NR3C1: variants seen among roughly 807,000 people sequenced by gnomAD.
The protein encoded by NR3C1 is glucocorticoid receptor.
In NR3C1, 14 loss-of-function variants were observed where a neutral mutation model predicts 74.0. That is an observed-to-expected ratio of 0.19 (90% CI 0.12 to 0.30). The LOEUF (loss-of-function observed/expected upper bound fraction) is 0.30. NR3C1 is among the 10% of genes least tolerant of loss of function. The pLI is 1.00. For synonymous variants in NR3C1, 308 were observed against 332.5 expected, an observed-to-expected ratio of 0.93 and a Z score of 0.80; for missense variants, 695 against 909.8, an observed-to-expected ratio of 0.76 and a Z score of 3.04.
chr5:143,344,929 C>T (rs1490958036), intron 2 of NR3C1, among the ~76,000 whole-genome samples: 1 of 152,160 alleles, frequency 6.6e-6, no homozygotes, highest in African/African-American at 2.4e-5. Context: ...CTGCCCAGCT[C>T]TGTCCAGGGC....
intron 2 of NR3C1, among the ~76,000 whole-genome samples, chr5:143,342,788 T>C (rs2918419): frequency 0.15 from 22,612 of 152,006 alleles, 1,860 homozygotes; most frequent in African/African-American, 0.18. Flanking sequence ...GTAGGAGACA[T>C]ACAAGGAAAA....
intron 2 of NR3C1, among the ~76,000 whole-genome samples, chr5:143,381,684 G>A (rs1273767266): frequency 6.6e-6 from 1 of 152,110 alleles, no homozygotes; most frequent in Non-Finnish European, 1.5e-5. Flanking sequence ...ACTAGGGAAA[G>A]GACAGTCTCT....
At chr5:143,291,024 T>C (rs1815804136) in intron 7 of NR3C1, among the ~76,000 whole-genome samples, 1 of 152,186 alleles carries the variant, frequency 6.6e-6, no homozygotes, top group Non-Finnish European at 1.5e-5. Flanking sequence ...AGGTATTCTC[T>C]TCCCCCAATG....
intron 2 of NR3C1, among the ~76,000 whole-genome samples, chr5:143,315,706 C>A (rs1821933573): frequency 6.6e-6 from 1 of 152,030 alleles, no homozygotes; most frequent in Non-Finnish European, 1.5e-5. Context: ...AGTTATCAAT[C>A]TGGTTAGAAA....
intron 4 of NR3C1, among the ~76,000 whole-genome samples, chr5:143,303,261 A>C (rs936098805): frequency 2.4e-4 from 37 of 151,578 alleles, no homozygotes; most frequent in Non-Finnish European, 1.2e-4. Flanking sequence ...GGGCGGGTGG[A>C]GTTTACTATG....
intron 2 of NR3C1, among the ~76,000 whole-genome samples, chr5:143,357,338 G>A (rs1831328158): frequency 6.6e-6 from 1 of 152,012 alleles, no homozygotes. Context: ...TAACCAATGG[G>A]AAAAAGAAGA....
At chr5:143,381,799 A>G (rs1203635591) in intron 2 of NR3C1, among the ~76,000 whole-genome samples, 1 of 152,214 alleles carries the variant, frequency 6.6e-6, no homozygotes, top group African/African-American at 2.4e-5. Flanking sequence ...TAAAGCCCTA[A>G]ATCTAAGACC....
intron 2 of NR3C1, among the ~76,000 whole-genome samples, chr5:143,396,999 TAAAG>T (rs1476139495): frequency 2.0e-5 from 3 of 151,884 alleles, no homozygotes; most frequent in Non-Finnish European, 4.4e-5. Flanking sequence ...TTGTTTTACT[TAAAG>T]AATAGATTTT....
chr5:143,279,500 C>A lies in NR3C1; in HGVS notation c.*2389G>T. 1.5e-6 allele frequency: 2 copies of A among 1,351,216 alleles called. No individual in the cohort carries two copies. The highest frequency in any genetic ancestry group is 1.9e-6 in the Non-Finnish European group (2 of 1,035,036). The allele number at this position is 1,351,216 out of a possible 1,614,324, so 83.7% of individuals were successfully genotyped here. On this transcript the variant is annotated 3_prime_UTR_variant, in exon 9 of 9. Transcript: ENST00000394464. Reference sequence around the variant, plus strand: ...AGAATATTCAAGCAGTTTTCTTAGGCACCAAAAATTTATCCAGCCGGGTTA... The same window carrying A: ...AGAATATTCAAGCAGTTTTCTTAGGAACCAAAAATTTATCCAGCCGGGTTA...
intron 2 of NR3C1, among the ~76,000 whole-genome samples, chr5:143,338,818 A>G (rs1217282823): frequency 1.3e-5 from 2 of 152,216 alleles, no homozygotes; most frequent in African/African-American, 2.4e-5. Context: ...TTCATATAAT[A>G]AATGTCCTAG....
chr5:143,403,397 T>C lies in NR3C1; in HGVS notation c.-200A>G, dbSNP rs1022758185. ...AGCCCCTATTTAAGAAAGTCTCCCA[T>C]TGCCCAGCTGACAAGCCAGCCCTCC... On this transcript the variant is annotated 5_prime_UTR_variant, in exon 1 of 9. The change abolishes an upstream ATG in the 5' untranslated region. Coordinates refer to ENST00000394464, the MANE Select transcript of NR3C1 (RefSeq NM_000176.3). The C allele has an allele frequency of 7.1e-6, 7 of 985,294 alleles. No individual in the cohort carries two copies. Among genetic ancestry groups the C allele is most frequent in the African/African-American group, 5.2e-5 (3 of 57,218 alleles). 61.0% of individuals were successfully genotyped at this position (985,294 alleles called of 1,614,324 possible).
rs140103471 is a variant in NR3C1 at position 143,384,590 on chromosome 5, C to T, written c.1184+15066G>A. On this transcript the variant is annotated intron_variant, in intron 2 of 8. Coordinates refer to ENST00000394464, the MANE Select transcript of NR3C1 (RefSeq NM_000176.3). Reference sequence around the variant, plus strand: ...AAGAGGCTACAGGCCCCATGCATGTCCAAAAACCTGCAGGACAGTCATTAA... The same window carrying T: ...AAGAGGCTACAGGCCCCATGCATGTTCAAAAACCTGCAGGACAGTCATTAA... Among the ~76,000 whole-genome samples the T allele has an allele frequency of 9.9e-5, 15 of 152,276 alleles. No homozygotes were observed. In the East Asian group the frequency reaches 1.9e-3, roughly 20 times the overall value.
intron 2 of NR3C1, among the ~76,000 whole-genome samples, chr5:143,323,889 A>G (rs1823961345): frequency 6.6e-6 from 1 of 152,142 alleles, no homozygotes; most frequent in Admixed American, 6.5e-5. Flanking sequence ...AAATCCAGTG[A>G]GTTAGTCAAA....
intron 1 of NR3C1, chr5:143,402,753 G>A (rs983424592): frequency 4.1e-6 from 4 of 985,370 alleles, no homozygotes; most frequent in Non-Finnish European, 4.8e-6. Flanking sequence ...GGCCTCCCCG[G>A]AGCCCGGGCT....
intron 2 of NR3C1, among the ~76,000 whole-genome samples, chr5:143,314,449 G>T: frequency 6.8e-6 from 1 of 147,802 alleles, no homozygotes. Context: ...AGATGCTTAG[G>T]ATTTATTTTT....
chr5:143,393,717 A>C (rs1323025718), intron 2 of NR3C1, among the ~76,000 whole-genome samples: 5 of 152,142 alleles, frequency 3.3e-5, no homozygotes, highest in Non-Finnish European at 7.4e-5. Context: ...GTCATAAGTC[A>C]CAGCACTGCC....
chr5:143,372,707 A>G (rs1834434244), intron 2 of NR3C1, among the ~76,000 whole-genome samples: 1 of 152,166 alleles, frequency 6.6e-6, no homozygotes, highest in Non-Finnish European at 1.5e-5. Flanking sequence ...CTTTTAACAT[A>G]AAAGTTGGGG....
At chr5:143,294,171 GATTA>G in intron 7 of NR3C1, 1 of 984,768 alleles carries the variant, frequency 1.0e-6, no homozygotes, top group Non-Finnish European at 1.2e-6. Context: ...GATATGAAAT[GATTA>G]AATAAAATCA....
At chr5:143,325,646 C>T (rs1291951743) in intron 2 of NR3C1, among the ~76,000 whole-genome samples, 1 of 152,118 alleles carries the variant, frequency 6.6e-6, no homozygotes, top group East Asian at 1.9e-4. Context: ...TACTCTTTTA[C>T]TCTTCCTAAT....
Sources: gnomAD v4.1 joint callset for allele counts (sites outside exome capture counted in the v4.1 genomes callset) on GRCh38, gnomAD v4.1.1 for gene constraint, MANE v1.5 for transcripts, NCBI Gene and HGNC (gene_info 2026-07-23, HGNC 2026-07-21) for gene names.